The following DNAJC21 variants were observed in gnomAD, a reference collection of about 807,000 sequenced individuals.
DNAJC21 encodes the protein DnaJ heat shock protein family (Hsp40) member C21.
In DNAJC21, 63 loss-of-function variants were observed where a neutral mutation model predicts 72.4. That is an observed-to-expected ratio of 0.87 (90% CI 0.71 to 1.07). The LOEUF (loss-of-function observed/expected upper bound fraction) is 1.07. Among genes scored for constraint, DNAJC21 ranks in the 50% least tolerant of loss-of-function variants. DNAJC21 has a pLI of 0.00. For missense variants in DNAJC21, 634 were observed against 644.8 expected (o/e 0.98, Z 0.18); for synonymous variants, 203 against 216.7 (o/e 0.94, Z 0.56).
At chr5:34,951,897 G>A in intron 10 of DNAJC21, 2 of 985,452 alleles carry the variant, frequency 2.0e-6, no homozygotes, top group Non-Finnish European at 2.4e-6. Context: ...CACTGATATA[G>A]TTCAGCTCTC....
intron 9 of DNAJC21, among the ~76,000 whole-genome samples, chr5:34,946,651 C>T (rs753718659): frequency 3.9e-5 from 6 of 151,976 alleles, no homozygotes; most frequent in Non-Finnish European, 7.4e-5. Context: ...GTTATAAAAC[C>T]GCATAGCAAA....
chr5:34,936,135 G>GT lies in DNAJC21; in HGVS notation c.316-3dup, dbSNP rs1764765000. Reference sequence around the variant, plus strand: ...GTATTAAGAATTTGTTTTTGTTACTGTTTTTTAGGGATTTTACACGGTGTA... The same window carrying GT: ...GTATTAAGAATTTGTTTTTGTTACTGTTTTTTTAGGGATTTTACACGGTGTA... On this transcript the variant is annotated splice_polypyrimidine_tract_variant and intron_variant, in intron 3 of 11. Transcript: ENST00000648817. 5 of 1,602,042 alleles carry GT rather than the reference G, an allele frequency of 3.1e-6. No homozygotes were observed. The highest frequency in any genetic ancestry group is 1.8e-5 in the Admixed American group (1 of 56,710).
At chr5:34,933,093 A>G (rs898952695) in intron 1 of DNAJC21, among the ~76,000 whole-genome samples, 1 of 152,202 alleles carries the variant, frequency 6.6e-6, no homozygotes, top group African/African-American at 2.4e-5. Context: ...TATTTTTTAA[A>G]CTTTATGAGA....
At chr5:34,949,822 A>T in intron 9 of DNAJC21, 1 of 1,419,226 alleles carries the variant, frequency 7.0e-7, no homozygotes, top group South Asian at 1.5e-5. Flanking sequence ...ACCTGTAGAG[A>T]TTACTTAATA....
chr5:34,933,729 G>A, intron 1 of DNAJC21, 86 bp from the exon 2 acceptor site: 1 of 1,057,782 alleles, frequency 9.5e-7, no homozygotes. Context: ...CGTCTCATCT[G>A]TTTGTGGCAT....
chr5:34,936,861 C>T (rs1580526156), intron 4 of DNAJC21, among the ~76,000 whole-genome samples: 1 of 152,186 alleles, frequency 6.6e-6, no homozygotes, highest in Admixed American at 6.5e-5. Flanking sequence ...AGCGATTCTC[C>T]TGCCTCAGCC....
chr5:34,954,780 A>G lies in DNAJC21; in HGVS notation c.*66A>G. On this transcript the variant is annotated 3_prime_UTR_variant, in exon 12 of 12. Coordinates refer to ENST00000648817, the MANE Select transcript of DNAJC21 (RefSeq NM_001012339.3). ...GAAACCAAAAAACTGAACTGAAATC[A>G]TCTAAAGAGTTAAAATTTCAGTGAT... is the stretch of plus-strand genomic sequence containing the variant. 1 of 1,392,412 alleles carries G rather than the reference A, an allele frequency of 7.2e-7. No homozygotes were observed. The highest frequency in any genetic ancestry group is 2.6e-5 in the East Asian group (1 of 38,404). 86.3% of individuals were successfully genotyped at this position (1,392,412 alleles called of 1,614,324 possible).
intron 1 of DNAJC21, among the ~76,000 whole-genome samples, chr5:34,932,194 G>C (rs909129267): frequency 6.6e-6 from 1 of 152,170 alleles, no homozygotes; most frequent in Non-Finnish European, 1.5e-5. Context: ...GCTGAGGTGG[G>C]CGGATCACCT....
At chr5:34,944,054 C>A (rs188946987) in intron 7 of DNAJC21, among the ~76,000 whole-genome samples, 47 of 152,262 alleles carry the variant, frequency 3.1e-4, no homozygotes, top group African/African-American at 1.0e-3. Context: ...TACCAAAAGC[C>A]TGAACAGATG....
At chr5:34,954,441 TA>T in intron 11 of DNAJC21, 111 bp from the exon 12 acceptor site, 2 of 1,337,564 alleles carry the variant, frequency 1.5e-6, no homozygotes, top group South Asian at 3.2e-5. Context: ...TCCACTCTGT[TA>T]AAACATCTTT....
intron 10 of DNAJC21, chr5:34,951,454 G>C (rs765821905): frequency 1.7e-5 from 17 of 985,262 alleles, no homozygotes; most frequent in Non-Finnish European, 1.9e-5. Context: ...GGCACAAAGA[G>C]TGGGCCAGGA....
At position 34,942,795 on chromosome 5, in the gene DNAJC21, G is replaced by A. The variant is rs571958023; in HGVS notation, c.983+1612G>A. Among the ~76,000 whole-genome samples the A allele has an allele frequency of 1.5e-4, 23 of 152,258 alleles. 1 individual carries two copies. The East Asian group carries it at 3.5e-3, about 23-fold the overall frequency. On this transcript the variant is annotated intron_variant, in intron 7 of 11. Transcript: ENST00000648817. ...AAGAATAAGGTTATTCTCGCTGGGC[G>A]CAGTGGCTCACGCCTGTAATCCCAG...
Position 34,955,360 on chromosome 5 carries a change from G to C in DNAJC21, c.*646G>C, listed in dbSNP as rs1765503429. 6.6e-6 allele frequency: 1 copy of C among 152,094 alleles called. No individual in the cohort carries two copies. The highest frequency in any genetic ancestry group is 1.5e-5 in the Non-Finnish European group (1 of 68,014). The allele number at this position is 152,094 out of a possible 1,614,324, so 9.4% of individuals were successfully genotyped here. On this transcript the variant is annotated 3_prime_UTR_variant, in exon 12 of 12. Transcript: ENST00000648817. ...AGTAAGGTGTATTGTTCAGTTTTTT[G>C]CTCCGATTTGAATTGTGGAGGTGGA...
In DNAJC21 at chr5:34,933,869, C is replaced by T. The variant is rs1764681658; in HGVS notation, c.152C>T (p.Ala51Val). 1 of 1,613,790 alleles carries T rather than the reference C, an allele frequency of 6.2e-7. No individual in the cohort carries two copies. Among genetic ancestry groups the T allele is most frequent in the African/African-American group, 1.3e-5 (1 of 74,892 alleles). ...EAAEQFKLIQ[A>V]AYDVLSDPQE... Reference sequence around the variant, plus strand: ...GCTGAACAATTTAAATTAATCCAAGCAGCATATGATGTGTTGAGTGACCCT... The same window carrying T: ...GCTGAACAATTTAAATTAATCCAAGTAGCATATGATGTGTTGAGTGACCCT... Residue 51 changes from alanine to valine, a missense_variant, in exon 2 of 12, where the codon GCA (alanine) becomes GTA (valine). Coordinates refer to ENST00000648817, the MANE Select transcript of DNAJC21 (RefSeq NM_001012339.3).
At chr5:34,948,762 G>GCCTGAGGCAGGAGAATCGTTGGAA (rs1765253995) in intron 9 of DNAJC21, among the ~76,000 whole-genome samples, 1 of 152,056 alleles carries the variant, frequency 6.6e-6, no homozygotes, top group Non-Finnish European at 1.5e-5. Context: ...CTACTCAGGA[G>GCCTGAGGCAGGAGAATCGTTGGAA]CCTGAGGCAG....
rs145946905 is a variant in DNAJC21, at chr5:34,945,774, C to A, written c.1156C>A (p.Gln386Lys). 1 of 1,593,834 alleles carries A rather than the reference C, an allele frequency of 6.3e-7. No homozygotes were observed. Among genetic ancestry groups the A allele is most frequent in the Non-Finnish European group, 8.5e-7 (1 of 1,172,622 alleles). ...ATTTGCTCTTAGGCTTTCTAAAAAA[C>A]AGAAGAAAAAGAAACAGAAACCAGC... ...DAPKQKLSKK[Q>K]KKKKQKPAQN... Residue 386 changes from glutamine (Q) to lysine (K), a missense_variant, in exon 9 of 12, where the codon CAG becomes AAG. Transcript: ENST00000648817.
chr5:34,951,457 G>A, intron 10 of DNAJC21: 1 of 985,354 alleles, frequency 1.0e-6, no homozygotes, highest in South Asian at 4.7e-5. Flanking sequence ...ACAAAGAGTG[G>A]GCCAGGAGGT....
Position 34,954,734 on chromosome 5 carries a change from G to A in DNAJC21, c.*20G>A. 1 of 1,548,674 alleles carries A rather than the reference G, an allele frequency of 6.5e-7. No homozygotes were observed. The highest frequency in any genetic ancestry group is 8.7e-7 in the Non-Finnish European group (1 of 1,147,222). On this transcript the variant is annotated 3_prime_UTR_variant, in exon 12 of 12. Transcript: ENST00000648817. ...AGATAGAGATTCTGCCTGTGCTTTT[G>A]TTTGACTGTCTCTAGATTTTGAAAC...
intron 11 of DNAJC21, 54 bp downstream of exon 11, chr5:34,954,055 A>G (rs1364374000): frequency 6.7e-7 from 1 of 1,489,420 alleles, no homozygotes; most frequent in Non-Finnish European, 9.1e-7. Flanking sequence ...TTTAAGCAGT[A>G]TAATGATCTA....
Sources: allele counts gnomAD v4.1 joint callset (sites outside exome capture counted in the v4.1 genomes callset), GRCh38; gene constraint gnomAD v4.1.1; transcripts MANE v1.5; gene names NCBI Gene and HGNC (gene_info 2026-07-23, HGNC 2026-07-21).